Variants in AKAP17A observed in about 807,000 individuals in gnomAD.
AKAP17A encodes the protein A-kinase anchor protein 17A.
In AKAP17A, 15 loss-of-function variants were observed where a neutral mutation model predicts 52.2. The ratio of observed to expected loss-of-function variants is 0.29; its 90% CI spans 0.19 to 0.44. The LOEUF (loss-of-function observed/expected upper bound fraction) is 0.44. Among genes scored for constraint, AKAP17A ranks in the 20% least tolerant of loss-of-function variants. The pLI is 1.00. For missense variants in AKAP17A, 1,060 were observed against 1,007.0 expected (o/e 1.05, Z -0.71); for synonymous variants, 514 against 424.7 (o/e 1.21, Z -2.58).
Position 1,591,669 on chromosome X carries a change from T to A in AKAP17A, c.-120T>A, listed in dbSNP as rs1456110895. Reference sequence around the variant, plus strand: ...GGCGCCTCCGGGGGACGGTGGCGGCTCCCGGCGGTGAGGCCGCGCCTGTCC... The same window carrying A: ...GGCGCCTCCGGGGGACGGTGGCGGCACCCGGCGGTGAGGCCGCGCCTGTCC... On this transcript the variant is annotated 5_prime_UTR_variant, in exon 1 of 5. Coordinates refer to ENST00000313871, the MANE Select transcript of AKAP17A (RefSeq NM_005088.3). The A allele has an allele frequency of 6.6e-6, 1 of 151,574 alleles. No homozygotes were observed. The highest frequency in any genetic ancestry group is 1.5e-5 in the Non-Finnish European group (1 of 67,838). 9.4% of individuals were successfully genotyped at this position (151,574 alleles called of 1,614,324 possible).
Position 1,599,353 on chromosome X carries a change from TG to T in AKAP17A, c.1075del (p.Glu359ArgfsTer28), listed in dbSNP as rs1435640243. On this transcript the variant is annotated frameshift_variant, in exon 4 of 5. Coordinates refer to ENST00000313871, the MANE Select transcript of AKAP17A (RefSeq NM_005088.3). LOFTEE classifies it high-confidence loss of function. ...EQKQLQEKIK[L>X]EERKLLLAQR... is the part of the protein sequence containing the mutation. ...AAGCAGCTGCAGGAGAAGATCAAGC[TG>T]GAGGAGCGCAAGCTGCTGCTGGCCC... The T allele has an allele frequency of 6.3e-7, 1 of 1,595,794 alleles. No homozygotes were observed. Among genetic ancestry groups the T allele is most frequent in the African/African-American group, 1.3e-5 (1 of 74,652 alleles).
chrX:1,596,760 TTCCTCCTCC>T lies in AKAP17A; in HGVS notation c.911+1237_911+1245del, dbSNP rs1245530627. Among the ~76,000 whole-genome samples, 3 of 35,718 alleles carry T rather than the reference TTCCTCCTCC, an allele frequency of 8.4e-5. 1 individual carries two copies. The highest frequency in any genetic ancestry group is 1.2e-4 in the African/African-American group (1 of 8,550). 23.4% of individuals were successfully genotyped at this position (35,718 alleles called of 152,430 possible). The stretch of plus-strand genomic sequence containing the variant: ...CCTCCCACCCTCCTAGTGAGGTGGA[TTCCTCCTCC>T]TCCTCCTCTTCCTCCTCCATCCCTC... On this transcript the variant is annotated intron_variant, in intron 3 of 4. Coordinates refer to ENST00000313871, the MANE Select transcript of AKAP17A (RefSeq NM_005088.3).
Position 1,594,228 on chromosome X carries a change from AG to A in AKAP17A, c.762+5del, listed in dbSNP as rs774441243. 6.6e-7 allele frequency: 1 copy of A among 1,515,794 alleles called. No individual in the cohort carries two copies. Among genetic ancestry groups the A allele is most frequent in the South Asian group, 1.3e-5 (1 of 76,286 alleles). The allele number at this position is 1,515,794 out of a possible 1,614,324, so 93.9% of individuals were successfully genotyped here. On this transcript the variant is annotated splice_donor_5th_base_variant and intron_variant, in intron 2 of 4. Transcript: ENST00000313871. ...GGCCGTGGCCTGCAACATCAAGGTG[AG>A]TCCTGGGCACCGAGAGAGCCACGCG... is the stretch of plus-strand genomic sequence containing the variant.
At chrX:1,600,559 C>T in intron 4 of AKAP17A, 100 bp from the exon 5 acceptor site, 1 of 1,212,994 alleles carries the variant, frequency 8.2e-7, no homozygotes, top group Non-Finnish European at 1.1e-6. Context: ...GATCCTGCAT[C>T]CCCAGACCAT....
At position 1,594,130 on chromosome X, in the gene AKAP17A, A is replaced by AG. The variant is rs1569348682; in HGVS notation, c.669dup (p.Tyr224ValfsTer35). ...TTCGAGGCCTATGTGCAGTACCGCGAGTACATGGGCTTCATCCAGGCCATG... is the reference window on the plus strand; with the variant it reads ...TTCGAGGCCTATGTGCAGTACCGCGAGGTACATGGGCTTCATCCAGGCCATG... On this transcript the variant is annotated frameshift_variant, in exon 2 of 5. Transcript: ENST00000313871. LOFTEE classifies it high-confidence loss of function. 1 of 1,612,642 alleles carries AG rather than the reference A, an allele frequency of 6.2e-7. No individual in the cohort carries two copies.
At chrX:1,599,600 G>A (rs763211586) in intron 4 of AKAP17A, 168 bp downstream of exon 4, 82 of 963,732 alleles carry the variant, frequency 8.5e-5, no homozygotes, top group Non-Finnish European at 1.0e-4. Flanking sequence ...AGGGTGTAGC[G>A]CTCGTCTGTC....
At position 1,601,413 on chromosome X, in the gene AKAP17A, G is replaced by T; in HGVS notation, c.1907G>T (p.Arg636Leu). Residue 636 changes from arginine to leucine, a missense_variant, in exon 5 of 5, where the codon CGG becomes CTG. Transcript: ENST00000313871. ...GCCTACAAGGATGACAGCCCCCGCC[G>T]GCGCAGCACGAGCCCGGACCACACC... ...KHAYKDDSPR[R>L]RSTSPDHTRS... The T allele has an allele frequency of 6.4e-7, 1 of 1,565,034 alleles. No homozygotes were observed. Among genetic ancestry groups the T allele is most frequent in the Non-Finnish European group, 8.6e-7 (1 of 1,163,062 alleles).
intron 3 of AKAP17A, among the ~76,000 whole-genome samples, chrX:1,598,202 A>ATG (rs1933121203): frequency 6.6e-6 from 1 of 152,162 alleles, no homozygotes; most frequent in East Asian, 1.9e-4. Flanking sequence ...GTGACAGCTC[A>ATG]CAGGGCGGTT....
At chrX:1,597,467 G>A (rs1246606793) in intron 3 of AKAP17A, among the ~76,000 whole-genome samples, 1 of 152,170 alleles carries the variant, frequency 6.6e-6, no homozygotes, top group Non-Finnish European at 1.5e-5. Context: ...GGGAGGGGCG[G>A]TTCGGATGTG....
chrX:1,602,386 T>C lies in AKAP17A; in HGVS notation c.*792T>C, dbSNP rs1434246314. 1 of 152,226 alleles carries C rather than the reference T, an allele frequency of 6.6e-6. No homozygotes were observed. The highest frequency in any genetic ancestry group is 1.9e-4 in the East Asian group (1 of 5,206). 9.4% of individuals were successfully genotyped at this position (152,226 alleles called of 1,614,324 possible). A position where few individuals can be genotyped will look rare whatever the true frequency, so the allele number is the denominator to read the frequency against. On this transcript the variant is annotated 3_prime_UTR_variant, in exon 5 of 5. Coordinates refer to ENST00000313871, the MANE Select transcript of AKAP17A (RefSeq NM_005088.3). ...AACAGATTTCAGGCTGCAAACTTGTTTTATAATCGTTTGCTTCTCCAAGTG... is the reference window on the plus strand; with the variant it reads ...AACAGATTTCAGGCTGCAAACTTGTCTTATAATCGTTTGCTTCTCCAAGTG...
At chrX:1,596,226 T>TAAAAAAAAAA (rs561491812) in intron 3 of AKAP17A, among the ~76,000 whole-genome samples, 2 of 133,972 alleles carry the variant, frequency 1.5e-5, no homozygotes, top group African/African-American at 2.8e-5. Flanking sequence ...TGGCCAGATT[T>TAAAAAAAAAA]AAAAAAAAAA....
intron 1 of AKAP17A, among the ~76,000 whole-genome samples, chrX:1,592,128 T>A (rs1187581765): frequency 6.7e-6 from 1 of 149,822 alleles, no homozygotes; most frequent in Non-Finnish European, 1.5e-5. Flanking sequence ...CTAGGGGACG[T>A]GGCGCTGCGG....
In AKAP17A at chrX:1,601,124, A is replaced by G; in HGVS notation, c.1618A>G (p.Lys540Glu). The change falls in exon 5 of 5, where the codon AAG (lysine) becomes GAG (glutamate). Residue 540 changes from lysine (K) to glutamate (E), a missense_variant. Lys to Glu is a moderately conservative substitution (Grantham distance 56). Transcript: ENST00000313871. ...GGTCCCCGAGGATGGCTCTCCAGAGAAGAGGTGCCCGGGCGGCGTCCTCTC... is the reference window on the plus strand; with the variant it reads ...GGTCCCCGAGGATGGCTCTCCAGAGGAGAGGTGCCCGGGCGGCGTCCTCTC... Reference protein sequence around the residue: ...RVVPEDGSPEKRCPGGVLSCI... With the variant: ...RVVPEDGSPEERCPGGVLSCI... The G allele has an allele frequency of 6.2e-7, 1 of 1,613,810 alleles. No individual in the cohort carries two copies. Among genetic ancestry groups the G allele is most frequent in the Non-Finnish European group, 8.5e-7 (1 of 1,179,806 alleles).
In AKAP17A at chrX:1,595,884, G is replaced by A. The variant is rs181325804; in HGVS notation, c.911+352G>A. On this transcript the variant is annotated intron_variant, in intron 3 of 4. Coordinates refer to ENST00000313871, the MANE Select transcript of AKAP17A (RefSeq NM_005088.3). Reference sequence around the variant, plus strand: ...AGCACACATGTGCCTGTGTGCATGCGTGTGTGCCTGTGAACCCGTGTGTGT... The same window carrying A: ...AGCACACATGTGCCTGTGTGCATGCATGTGTGCCTGTGAACCCGTGTGTGT... 1.3e-3 allele frequency among the ~76,000 whole-genome samples: 199 copies of A among 152,102 alleles called. 1 individual carries two copies. The highest frequency in any genetic ancestry group is 4.5e-3 in the African/African-American group (185 of 41,464).
rs1363875024 is a variant in AKAP17A at position 1,600,011 on chromosome X, G to C, written c.1152+579G>C. On this transcript the variant is annotated intron_variant, in intron 4 of 4. Transcript: ENST00000313871. The stretch of plus-strand genomic sequence containing the variant: ...GACTGGTAACTCCCATGAGCCCGGG[G>C]CCAGGGCCCACAGACAGACAGACCT... The C allele has an allele frequency of 7.5e-6, 4 of 534,010 alleles. No homozygotes were observed. In the Admixed American group the frequency reaches 1.0e-4, roughly 13 times the overall value. The allele number at this position is 534,010 out of a possible 1,614,324, so 33.1% of individuals were successfully genotyped here.
In AKAP17A at chrX:1,601,024, C is replaced by T. The variant is rs149256056; in HGVS notation, c.1518C>T (p.Asp506=). ...PKESPAHPEA[D]GAPKSVNGSV... ...AGAGCCCGGCCCACCCAGAGGCCGA[C>T]GGCGCTCCCAAAAGCGTGAACGGGA... Residue 506 remains aspartate (D), a synonymous_variant, in exon 5 of 5, where the codon GAC becomes GAT. Coordinates refer to ENST00000313871, the MANE Select transcript of AKAP17A (RefSeq NM_005088.3). The T allele has an allele frequency of 2.2e-5, 35 of 1,610,880 alleles. No individual in the cohort carries two copies. Among genetic ancestry groups the T allele is most frequent in the South Asian group, 7.7e-5 (7 of 90,910 alleles).
At position 1,601,340 on chromosome X, in the gene AKAP17A, A is replaced by AGGGAGGAC; in HGVS notation, c.1841_1848dup (p.Pro617ThrfsTer138). 6.3e-7 allele frequency: 1 copy of AGGGAGGAC among 1,597,850 alleles called. No individual in the cohort carries two copies. Among genetic ancestry groups the AGGGAGGAC allele is most frequent in the East Asian group, 2.2e-5 (1 of 44,590 alleles). ...GAGCCGGGCCAGGCGGGCCAGCAGC[A>AGGGAGGAC]GGGAGGACGGGAGGCCACGCAAGGA... On this transcript the variant is annotated frameshift_variant, in exon 5 of 5. Transcript: ENST00000313871. LOFTEE classifies it high-confidence loss of function.
chrX:1,595,213 T>C (rs1932920528), intron 2 of AKAP17A, among the ~76,000 whole-genome samples, 171 bp from the exon 3 acceptor site: 1 of 150,886 alleles, frequency 6.6e-6, no homozygotes, highest in South Asian at 2.1e-4. Context: ...TTGGTTTGGC[T>C]TCTGGGCTCC....
chrX:1,592,824 C>T (rs1200091355), intron 1 of AKAP17A, among the ~76,000 whole-genome samples: 1 of 152,252 alleles, frequency 6.6e-6, no homozygotes, highest in Admixed American at 6.5e-5. Flanking sequence ...GGACTCCGGC[C>T]CCTAACTTGT....
Sources: gnomAD v4.1 joint callset for allele counts (sites outside exome capture counted in the v4.1 genomes callset) on GRCh38, gnomAD v4.1.1 for gene constraint, MANE v1.5 for transcripts, NCBI Gene and HGNC (gene_info 2026-07-23, HGNC 2026-07-21) for gene names.